CSMD1: variants seen among roughly 807,000 people sequenced by gnomAD.
CSMD1 encodes CUB and Sushi multiple domains 1.
In CSMD1, 213 loss-of-function variants were observed where a neutral mutation model predicts 417.5. The ratio of observed to expected loss-of-function variants is 0.51; its 90% confidence interval spans 0.46 to 0.57. The LOEUF is 0.57. Among genes scored for constraint, CSMD1 ranks in the 20% least tolerant of loss-of-function variants. CSMD1 has a pLI of 0.00. For synonymous variants in CSMD1, 2,862 were observed against 1,736.8 expected (o/e 1.65, Z -16.11); for missense variants, 6,923 against 4,529.7 (o/e 1.53, Z -15.17).
At chr8:3,438,431 A>C (rs6558768) in intron 12 of CSMD1, among the ~76,000 whole-genome samples, 114,145 of 151,980 alleles carry the variant, frequency 0.75, 42,978 homozygotes, top group East Asian at 0.85. Context: ...TGGCCCATCA[A>C]CACCTCCCTC....
chr8:3,167,293 A>G (rs891790340), intron 37 of CSMD1, among the ~76,000 whole-genome samples: 1 of 118,714 alleles, frequency 8.4e-6, no homozygotes, highest in African/African-American at 3.4e-5. Context: ...TGGAAAAAGA[A>G]AAAAAAAAAA....
chr8:3,699,111 G>A (rs1012137300), intron 7 of CSMD1, among the ~76,000 whole-genome samples: 2 of 152,194 alleles, frequency 1.3e-5, no homozygotes, highest in South Asian at 4.1e-4. Context: ...CTAAAAGCAA[G>A]CATGTCTCAG....
intron 7 of CSMD1, among the ~76,000 whole-genome samples, chr8:3,668,158 G>A (rs1034810202): frequency 7.2e-5 from 11 of 152,134 alleles, no homozygotes; most frequent in Non-Finnish European, 1.3e-4. Context: ...CTACAGGGGT[G>A]TGCAGAGGGG....
At chr8:4,735,299 C>G (rs573530058) in intron 1 of CSMD1, among the ~76,000 whole-genome samples, 1 of 152,234 alleles carries the variant, frequency 6.6e-6, no homozygotes, top group South Asian at 2.1e-4. Flanking sequence ...CTTTTTAAAC[C>G]ACATCTCCAA....
intron 2 of CSMD1, among the ~76,000 whole-genome samples, chr8:4,494,977 A>G (rs1241424431): frequency 2.0e-5 from 3 of 152,186 alleles, no homozygotes; most frequent in Non-Finnish European, 4.4e-5. Context: ...TGGAGAAAAT[A>G]AAGAAAAGAA....
intron 1 of CSMD1, among the ~76,000 whole-genome samples, chr8:4,933,546 A>C (rs1807397407): frequency 6.6e-6 from 1 of 152,188 alleles, no homozygotes; most frequent in Non-Finnish European, 1.5e-5. Flanking sequence ...AATACTTTCG[A>C]AAAGTAGCAC....
intron 3 of CSMD1, among the ~76,000 whole-genome samples, chr8:4,315,730 A>G (rs1798884558): frequency 6.6e-6 from 1 of 152,186 alleles, no homozygotes; most frequent in South Asian, 2.1e-4. Context: ...TGAGCTGTGC[A>G]AAAAAGAAAC....
chr8:3,810,856 C>A (rs1014693668), intron 5 of CSMD1, among the ~76,000 whole-genome samples: 7 of 152,116 alleles, frequency 4.6e-5, no homozygotes, highest in African/African-American at 1.7e-4. Context: ...GATCTTTAGG[C>A]TCCTGTTCAG....
chr8:4,179,133 C>G (rs1410628393), intron 3 of CSMD1, among the ~76,000 whole-genome samples: 1 of 152,100 alleles, frequency 6.6e-6, no homozygotes, highest in Non-Finnish European at 1.5e-5. Flanking sequence ...AATCCTAAGC[C>G]AAAGGAAGAA....
intron 3 of CSMD1, among the ~76,000 whole-genome samples, chr8:4,400,840 T>C (rs889710099): frequency 5.9e-5 from 9 of 151,768 alleles, no homozygotes; most frequent in Non-Finnish European, 1.3e-4. Context: ...TTGAAGAACA[T>C]TTTTTATTTA....
intron 2 of CSMD1, among the ~76,000 whole-genome samples, chr8:4,466,577 T>C (rs1034237839): frequency 1.3e-5 from 2 of 152,212 alleles, no homozygotes; most frequent in Non-Finnish European, 2.9e-5. Context: ...ATGCCAACAG[T>C]GTCACAAAGT....
intron 5 of CSMD1, among the ~76,000 whole-genome samples, chr8:3,786,286 G>C (rs144423538): frequency 1.3e-5 from 2 of 152,126 alleles, no homozygotes; most frequent in African/African-American, 2.4e-5. Context: ...ATGGAGGTTA[G>C]AAGAGACCTG....
intron 52 of CSMD1, among the ~76,000 whole-genome samples, chr8:3,001,714 T>C (rs1807419521): frequency 6.6e-6 from 1 of 152,212 alleles, no homozygotes; most frequent in Non-Finnish European, 1.5e-5. Context: ...AAACTTTTCG[T>C]AGGAAAACAG....
intron 1 of CSMD1, among the ~76,000 whole-genome samples, chr8:4,966,629 G>A (rs1229404915): frequency 3.3e-5 from 5 of 152,130 alleles, no homozygotes; most frequent in Admixed American, 6.6e-5. Flanking sequence ...GGTTCACCCT[G>A]TACAAACACA....
chr8:4,274,346 C>A (rs749367026), intron 3 of CSMD1, among the ~76,000 whole-genome samples: 35 of 152,226 alleles, frequency 2.3e-4, no homozygotes, highest in East Asian at 7.7e-4. Context: ...ACTTTTTTTA[C>A]GTTTCACTTT....
intron 3 of CSMD1, among the ~76,000 whole-genome samples, chr8:4,366,954 T>C (rs978718285): frequency 1.3e-5 from 2 of 152,158 alleles, no homozygotes; most frequent in Non-Finnish European, 1.5e-5. Context: ...ACACCTTTGT[T>C]GGATGTGTAC....
At chr8:3,955,820 G>C (rs1005802763) in intron 5 of CSMD1, among the ~76,000 whole-genome samples, 1 of 152,150 alleles carries the variant, frequency 6.6e-6, no homozygotes, top group African/African-American at 2.4e-5. Flanking sequence ...GATTAACTGA[G>C]GGGTTCACTT....
intron 5 of CSMD1, among the ~76,000 whole-genome samples, chr8:3,922,158 C>A (rs903128518): frequency 6.6e-6 from 1 of 151,812 alleles, no homozygotes; most frequent in African/African-American, 2.4e-5. Flanking sequence ...CCGTTTTTGC[C>A]TAATGTCTAT....
chr8:3,161,982 T>G (rs2129040292), intron 38 of CSMD1, among the ~76,000 whole-genome samples, 177 bp downstream of exon 38: 1 of 152,336 alleles, frequency 6.6e-6, no homozygotes, highest in South Asian at 2.1e-4. Context: ...ACATTATCAC[T>G]TAAAAGCTGT....
Sources: allele counts gnomAD v4.1 joint callset (sites outside exome capture counted in the v4.1 genomes callset), GRCh38; gene constraint gnomAD v4.1.1; transcripts MANE v1.5; gene names NCBI Gene and HGNC (gene_info 2026-07-23, HGNC 2026-07-21).